The following SIM2 variants were observed in gnomAD, a reference collection of about 807,000 sequenced individuals.
SIM2 encodes single-minded homolog 2.
Under a neutral mutation model 64.8 loss-of-function variants are expected in SIM2, and 28 were observed. The observed-to-expected ratio is 0.43, with a 90% CI of 0.32 to 0.59. The LOEUF (loss-of-function observed/expected upper bound fraction) is 0.59. Among genes scored for constraint, SIM2 ranks in the 20% least tolerant of loss-of-function variants. The pLI, the probability that SIM2 is intolerant of heterozygous loss-of-function variation, is 0.07. For missense variants in SIM2, 847 were observed against 871.4 expected, an observed-to-expected ratio of 0.97 and a Z score of 0.35; for synonymous variants, 408 against 391.1, an observed-to-expected ratio of 1.04 and a Z score of -0.51.
At position 36,723,556 on chromosome 21, in the gene SIM2, A is replaced by T. The variant is rs367558063; in HGVS notation, c.543+426A>T. Among the ~76,000 whole-genome samples the T allele has an allele frequency of 9.8e-5, 15 of 152,322 alleles. No homozygotes were observed. In the East Asian group the frequency reaches 2.7e-3, roughly 27 times the overall value. On this transcript the variant is annotated intron_variant, in intron 5 of 10. Transcript: ENST00000290399. ...GCCGCCGATGACGGTGTGCACCACA[A>T]TAATGCTAGCGCCCTTTCCAAGGTC...
chr21:36,712,738 A>G, intron 3 of SIM2, 116 bp downstream of exon 3: 2 of 673,060 alleles, frequency 3.0e-6, no homozygotes, highest in South Asian at 3.9e-5. Flanking sequence ...TTGTGTAAGA[A>G]CATAACCCTA....
intron 3 of SIM2, 96 bp downstream of exon 3, chr21:36,712,718 G>A (rs1393112839): frequency 2.5e-6 from 2 of 808,740 alleles, no homozygotes; most frequent in Non-Finnish European, 4.1e-6. Context: ...GTCTGTTTAA[G>A]TGTTTGCTTT....
rs536192026 is a variant in SIM2, at chr21:36,715,793, G to A, written c.348+3171G>A. ...TCCAAATTCTTTATTTGAGGGTATG[G>A]AAATGATTCTTTATGGGTTATAAGC... is the stretch of plus-strand genomic sequence containing the variant. On this transcript the variant is annotated intron_variant, in intron 3 of 10. Coordinates refer to ENST00000290399, the MANE Select transcript of SIM2 (RefSeq NM_005069.6). Among the ~76,000 whole-genome samples, 12 of 152,270 alleles carry A rather than the reference G, an allele frequency of 7.9e-5. No individual in the cohort carries two copies. In the South Asian group the frequency reaches 2.5e-3, roughly 32 times the overall value.
rs2089222662 is a variant in SIM2 at position 36,745,907 on chromosome 21, A to C, written c.1576+771A>C. ...AGGTGGAAGGTGGGAACAGAGGTTT[A>C]GCTGCAGGACATGTATTCCCATTGC... is the stretch of plus-strand genomic sequence containing the variant. On this transcript the variant is annotated intron_variant, in intron 10 of 10. Transcript: ENST00000290399. This position sits in a 1 kb window ranked among gnomAD's most constrained non-coding sequence, Gnocchi z 4.8. 8.5e-6 allele frequency: 11 copies of C among 1,290,600 alleles called. No individual in the cohort carries two copies. Among genetic ancestry groups the C allele is most frequent in the African/African-American group, 1.5e-5 (1 of 65,796 alleles). 79.9% of individuals were successfully genotyped at this position (1,290,600 alleles called of 1,614,324 possible).
At position 36,745,650 on chromosome 21, in the gene SIM2, C is replaced by T; in HGVS notation, c.1576+514C>T. 8.6e-7 allele frequency: 1 copy of T among 1,159,678 alleles called. No homozygotes were observed. The highest frequency in any genetic ancestry group is 1.1e-6 in the Non-Finnish European group (1 of 914,762). The allele number at this position is 1,159,678 out of a possible 1,614,324, so 71.8% of individuals were successfully genotyped here. On this transcript the variant is annotated intron_variant, in intron 10 of 10. Coordinates refer to ENST00000290399, the MANE Select transcript of SIM2 (RefSeq NM_005069.6). This position sits in a 1 kb window ranked among gnomAD's most constrained non-coding sequence, Gnocchi z 4.8. The stretch of plus-strand genomic sequence containing the variant: ...ACCAACCCAGGGCAAAGAACACAAA[C>T]CCTCCAGGCCTCAGTTTCTTCACCT...
chr21:36,734,121 C>T (rs71332547), intron 7 of SIM2, among the ~76,000 whole-genome samples: 1 of 152,154 alleles, frequency 6.6e-6, no homozygotes, highest in Non-Finnish European at 1.5e-5. Context: ...TGCTGTCAGC[C>T]GTCACCACCA....
At chr21:36,744,610 G>C in intron 9 of SIM2, 118 bp from the exon 10 acceptor site, 1 of 1,272,538 alleles carries the variant, frequency 7.9e-7, no homozygotes, top group Non-Finnish European at 1.1e-6. Flanking sequence ...CAGTGGTGGC[G>C]AGGGTAGGGG....
At chr21:36,704,684 C>T (rs1021267469) in intron 1 of SIM2, among the ~76,000 whole-genome samples, 42 of 152,234 alleles carry the variant, frequency 2.8e-4, no homozygotes, top group Non-Finnish European at 1.2e-4. Context: ...GGCGTCCGAA[C>T]TCCCCAGGTC....
At position 36,748,084 on chromosome 21, in the gene SIM2, G is replaced by C. The variant is rs553422418; in HGVS notation, c.1996G>C (p.Gly666Arg). 33 of 1,202,852 alleles carry C rather than the reference G, an allele frequency of 2.7e-5. No individual in the cohort carries two copies. The highest frequency in any genetic ancestry group is 1.3e-4 in the Admixed American group (3 of 22,586). The allele number at this position is 1,202,852 out of a possible 1,614,324, so 74.5% of individuals were successfully genotyped here. A position where few individuals can be genotyped will look rare whatever the true frequency, so the allele number is the denominator to read the frequency against. Residue 666 changes from glycine to arginine, a missense_variant, in exon 11 of 11, where the codon GGG becomes CGG. Transcript: ENST00000290399. ...GGGCGCCTCGGTCATCATCACCAAC[G>C]GGAGGTGACCCGCTGGCCGCCCGCG... ...YLGASVIITNGR is the reference protein window; with the variant it reads ...YLGASVIITNRR
chr21:36,737,032 T>A (rs959922895), intron 7 of SIM2, among the ~76,000 whole-genome samples: 1 of 152,072 alleles, frequency 6.6e-6, no homozygotes, highest in African/African-American at 2.4e-5. Context: ...CCTGAAGTGA[T>A]CCTCCTGCCT....
At position 36,745,991 on chromosome 21, in the gene SIM2, C is replaced by A. The variant is rs2089223503; in HGVS notation, c.1576+855C>A. ...GAGATGGTGCAGATGCCTGCAGTGC[C>A]ACTAAAATGTGGGTGAAGGTGACAT... On this transcript the variant is annotated intron_variant, in intron 10 of 10. Transcript: ENST00000290399. This position sits in a 1 kb window ranked among gnomAD's most constrained non-coding sequence, Gnocchi z 4.8. 8.5e-7 allele frequency: 1 copy of A among 1,180,736 alleles called. No individual in the cohort carries two copies. Among genetic ancestry groups the A allele is most frequent in the Non-Finnish European group, 1.1e-6 (1 of 924,508 alleles). 73.1% of individuals were successfully genotyped at this position (1,180,736 alleles called of 1,614,324 possible).
intron 1 of SIM2, among the ~76,000 whole-genome samples, chr21:36,702,318 GT>G (rs1332463484): frequency 6.6e-6 from 1 of 152,210 alleles, no homozygotes; most frequent in African/African-American, 2.4e-5. Context: ...GAAGGGAGCT[GT>G]TTGGCCCTAG....
chr21:36,725,016 A>G (rs1753589956), intron 5 of SIM2, among the ~76,000 whole-genome samples: 1 of 152,226 alleles, frequency 6.6e-6, no homozygotes, highest in African/African-American at 2.4e-5. Context: ...TTATAAATAA[A>G]GGAAATAAAA....
intron 2 of SIM2, chr21:36,710,761 G>T (rs2088663871): frequency 6.6e-6 from 1 of 152,174 alleles, no homozygotes; most frequent in Admixed American, 6.5e-5. Context: ...GAGAAGACCC[G>T]GGGAATATTC....
intron 1 of SIM2, among the ~76,000 whole-genome samples, chr21:36,700,949 C>A (rs979009774): frequency 1.3e-5 from 2 of 152,358 alleles, no homozygotes; most frequent in Middle Eastern, 6.8e-3. Context: ...CCGCCCACGC[C>A]GGTTGCCGCT....
chr21:36,712,570 G>C lies in SIM2; in HGVS notation c.296G>C (p.Gly99Ala), dbSNP rs570978064. 11 of 1,613,636 alleles carry C rather than the reference G, an allele frequency of 6.8e-6. No individual in the cohort carries two copies. In the East Asian group the frequency reaches 2.5e-4, roughly 36 times the overall value. ...TTTGTTTTTGTGGTAGCATCTGATGGCAAAATCATGTATATATCCGAGACC... is the reference window on the plus strand; with the variant it reads ...TTTGTTTTTGTGGTAGCATCTGATGCCAAAATCATGTATATATCCGAGACC... ...DGFVFVVASD[G>A]KIMYISETAS... The change falls in exon 3 of 11, where the codon GGC (glycine) becomes GCC (alanine). Residue 99 changes from glycine (G) to alanine (A), a missense_variant. Transcript: ENST00000290399.
chr21:36,704,200 G>A lies in SIM2; in HGVS notation c.175+4279G>A, dbSNP rs529401414. On this transcript the variant is annotated intron_variant, in intron 1 of 10. Coordinates refer to ENST00000290399, the MANE Select transcript of SIM2 (RefSeq NM_005069.6). ...TGCCCCCATCACCACTTCCACCTGA[G>A]CACACCACGAGAAGCCAGGTTATCT... 3.6e-4 allele frequency among the ~76,000 whole-genome samples: 55 copies of A among 152,302 alleles called. No homozygotes were observed. In the South Asian group the frequency reaches 0.011, roughly 31 times the overall value.
In SIM2 at chr21:36,744,974, C is replaced by A; in HGVS notation, c.1414C>A (p.Pro472Thr). ...PAKFGQPQGS[P>T]CEVARFFLST... ...CAAGTTCGGGCAGCCCCAAGGATCC[C>A]CTTGTGAGGTGGCACGCTTTTTCCT... Residue 472 changes from proline (P) to threonine (T), a missense_variant, in exon 10 of 11, where the codon CCT becomes ACT. By Grantham distance (38) the Pro-to-Thr change is conservative. Around this residue, in one of 3 missense-constraint regions of SIM2, gnomAD observed 447 missense variants for 414.6 expected, o/e 1.08. Coordinates refer to ENST00000290399, the MANE Select transcript of SIM2 (RefSeq NM_005069.6). 1 of 1,614,252 alleles carries A rather than the reference C, an allele frequency of 6.2e-7. No individual in the cohort carries two copies. Among genetic ancestry groups the A allele is most frequent in the East Asian group, 2.2e-5 (1 of 44,884 alleles).
rs748139645 is a variant in SIM2, at chr21:36,747,701, C to A, written c.1613C>A (p.Thr538Asn). The A allele has an allele frequency of 7.8e-6, 10 of 1,284,380 alleles. No individual in the cohort carries two copies. The highest frequency in any genetic ancestry group is 6.0e-4 in the Middle Eastern group (2 of 3,334). 79.6% of individuals were successfully genotyped at this position (1,284,380 alleles called of 1,614,324 possible). A position where few individuals can be genotyped will look rare whatever the true frequency, so the allele number is the denominator to read the frequency against. ...AAAVRRFGED[T>N]APPSFPSCGH... ...GCCGTGCGCAGGTTCGGCGAGGACA[C>A]CGCGCCCCCGAGCTTCCCGAGCTGC... The change falls in exon 11 of 11, where the codon ACC becomes AAC. Residue 538 changes from threonine to asparagine, a missense_variant. By Grantham distance (65) the Thr-to-Asn change is moderately conservative. Transcript: ENST00000290399. The surrounding 1 kb of genome is among the most constrained non-coding windows in gnomAD (Gnocchi z 4.5).
Sources: allele counts gnomAD v4.1 joint callset (sites outside exome capture counted in the v4.1 genomes callset), GRCh38; gene constraint gnomAD v4.1.1; regional missense constraint gnomAD v4.1.1; non-coding constraint Gnocchi (gnomAD v3.1); transcripts MANE v1.5; gene names NCBI Gene and HGNC (gene_info 2026-07-23, HGNC 2026-07-21).